Variants in KCNH8 observed in about 807,000 individuals in gnomAD.
KCNH8 encodes the protein voltage-gated delayed rectifier potassium channel KCNH8.
In KCNH8, 70 loss-of-function variants were observed where a neutral mutation model predicts 103.6. The ratio of observed to expected loss-of-function variants is 0.68; its 90% CI spans 0.56 to 0.82. KCNH8 has a LOEUF of 0.82. Among genes scored for constraint, KCNH8 ranks in the 40% least tolerant of loss-of-function variants. The pLI is 0.00. For synonymous variants in KCNH8, 498 were observed against 489.4 expected (o/e 1.02, Z -0.23); for missense variants, 1,217 against 1,329.9 (o/e 0.92, Z 1.32).
At chr3:19,435,543 G>A (rs2067186908) in intron 7 of KCNH8, among the ~76,000 whole-genome samples, 1 of 152,128 alleles carries the variant, frequency 6.6e-6, no homozygotes, top group Non-Finnish European at 1.5e-5. Flanking sequence ...GCCCTCACAT[G>A]GGCTCCATTC....
chr3:19,157,644 T>C (rs1229561964), intron 1 of KCNH8, among the ~76,000 whole-genome samples: 1 of 152,100 alleles, frequency 6.6e-6, no homozygotes, highest in African/African-American at 2.4e-5. Context: ...ATCACTTGAA[T>C]TGTTTTCAAA....
At chr3:19,294,169 T>G (rs930074948) in intron 3 of KCNH8, among the ~76,000 whole-genome samples, 2 of 152,180 alleles carry the variant, frequency 1.3e-5, no homozygotes, top group South Asian at 4.1e-4. Flanking sequence ...TTTTTGACTC[T>G]TCTGTTGTTA....
At chr3:19,406,648 C>T (rs1406401317) in intron 7 of KCNH8, among the ~76,000 whole-genome samples, 1 of 152,058 alleles carries the variant, frequency 6.6e-6, no homozygotes, top group African/African-American at 2.4e-5. Flanking sequence ...TAACCTTATG[C>T]AACTGAGTTG....
At chr3:19,240,440 C>A (rs1004232038) in intron 1 of KCNH8, among the ~76,000 whole-genome samples, 2 of 151,832 alleles carry the variant, frequency 1.3e-5, no homozygotes, top group South Asian at 4.1e-4. Flanking sequence ...TGGAGAAACC[C>A]TGTCTCTACT....
intron 1 of KCNH8, among the ~76,000 whole-genome samples, chr3:19,193,135 T>G (rs1195863895): frequency 6.6e-6 from 1 of 151,658 alleles, no homozygotes; most frequent in Non-Finnish European, 1.5e-5. Flanking sequence ...CTTATTATAC[T>G]TAAAGTTTTA....
intron 15 of KCNH8, among the ~76,000 whole-genome samples, chr3:19,526,823 G>A (rs1268088853): frequency 1.3e-5 from 2 of 151,906 alleles, no homozygotes; most frequent in African/African-American, 2.4e-5. Context: ...AGTTACTTAA[G>A]TTCAATTGAA....
In KCNH8 at chr3:19,373,573, T is replaced by G. The variant is rs570219014; in HGVS notation, c.812-16908T>G. The stretch of plus-strand genomic sequence containing the variant: ...TTCAAAAACCAGCTCCTGGATTCAT[T>G]AATTTTTTGAAGGGTTTTTTGTGTC... On this transcript the variant is annotated intron_variant, in intron 5 of 15. Transcript: ENST00000328405. Among the ~76,000 whole-genome samples, 104 of 152,228 alleles carry G rather than the reference T, an allele frequency of 6.8e-4. No homozygotes were observed. In the East Asian group the frequency reaches 0.014, roughly 20 times the overall value.
intron 5 of KCNH8, among the ~76,000 whole-genome samples, chr3:19,375,485 G>A (rs573282058): frequency 9.9e-4 from 149 of 149,792 alleles, no homozygotes; most frequent in African/African-American, 3.4e-3. Flanking sequence ...CTCTGTATTG[G>A]TTATTCTAGT....
At chr3:19,304,201 C>G (rs2065099774) in intron 3 of KCNH8, among the ~76,000 whole-genome samples, 1 of 152,098 alleles carries the variant, frequency 6.6e-6, no homozygotes, top group South Asian at 2.1e-4. Context: ...GAAAAATTCT[C>G]AATATACTGA....
intron 4 of KCNH8, 81 bp from the exon 5 acceptor site, chr3:19,347,644 A>C: frequency 2.6e-6 from 4 of 1,528,228 alleles, no homozygotes; most frequent in Non-Finnish European, 1.8e-6. Flanking sequence ...TCCTACTCAC[A>C]AAAGTGTGTG....
intron 11 of KCNH8, among the ~76,000 whole-genome samples, chr3:19,457,345 T>C (rs2067549574): frequency 6.6e-6 from 1 of 152,006 alleles, no homozygotes. Flanking sequence ...GCTGTGTTTG[T>C]AATTGTTCAC....
intron 1 of KCNH8, among the ~76,000 whole-genome samples, chr3:19,236,834 C>T (rs1467152430): frequency 6.6e-6 from 1 of 152,146 alleles, no homozygotes; most frequent in East Asian, 1.9e-4. Context: ...CTCTAGGTTT[C>T]AACATCCTAT....
chr3:19,282,519 T>C (rs992576517), intron 3 of KCNH8, among the ~76,000 whole-genome samples: 2 of 152,222 alleles, frequency 1.3e-5, no homozygotes, highest in Non-Finnish European at 2.9e-5. Flanking sequence ...ATTCATATTA[T>C]GTACATTCAC....
intron 8 of KCNH8, among the ~76,000 whole-genome samples, chr3:19,443,434 G>T (rs1291699468): frequency 8.0e-5 from 12 of 150,110 alleles, no homozygotes; most frequent in Admixed American, 7.3e-4. Context: ...ATATGTGTGT[G>T]TATATGTATA....
intron 1 of KCNH8, among the ~76,000 whole-genome samples, chr3:19,217,173 G>C (rs1196316790): frequency 6.6e-6 from 1 of 152,172 alleles, no homozygotes; most frequent in Non-Finnish European, 1.5e-5. Context: ...AATTCAAGTT[G>C]AGGAGAAAGC....
intron 5 of KCNH8, among the ~76,000 whole-genome samples, chr3:19,350,103 T>A (rs1044573318): frequency 1.3e-5 from 2 of 152,156 alleles, no homozygotes; most frequent in African/African-American, 4.8e-5. Context: ...TAAATGAGTT[T>A]AAGCATATCT....
At chr3:19,373,404 T>C (rs2066134636) in intron 5 of KCNH8, among the ~76,000 whole-genome samples, 1 of 152,186 alleles carries the variant, frequency 6.6e-6, no homozygotes, top group Admixed American at 6.5e-5. Flanking sequence ...TGCGTAGAGG[T>C]GTTTGTAGTA....
intron 1 of KCNH8, among the ~76,000 whole-genome samples, chr3:19,220,838 A>T (rs1274465548): frequency 6.6e-6 from 1 of 151,756 alleles, no homozygotes; most frequent in African/African-American, 2.4e-5. Flanking sequence ...AATGCTAGGC[A>T]TGTTTTAGTG....
At chr3:19,288,906 T>C (rs2064876040) in intron 3 of KCNH8, among the ~76,000 whole-genome samples, 1 of 152,194 alleles carries the variant, frequency 6.6e-6, no homozygotes, top group South Asian at 2.1e-4. Context: ...TTCCTGACTT[T>C]TTAATGATTG....
Sources: gnomAD v4.1 joint callset for allele counts (sites outside exome capture counted in the v4.1 genomes callset) on GRCh38, gnomAD v4.1.1 for gene constraint, MANE v1.5 for transcripts, NCBI Gene and HGNC (gene_info 2026-07-23, HGNC 2026-07-21) for gene names.